BMP6: variants seen among roughly 807,000 people sequenced by gnomAD.
The protein encoded by BMP6 is VG-1-R.
Under a neutral mutation model 54.1 loss-of-function variants are expected in BMP6, and 17 were observed. The ratio of observed to expected loss-of-function variants is 0.31; its 90% CI spans 0.22 to 0.47. BMP6 has a LOEUF of 0.47. Among genes scored for constraint, BMP6 ranks in the 20% least tolerant of loss-of-function variants. BMP6 has a pLI of 1.00. For synonymous variants in BMP6, 328 were observed against 291.2 expected (o/e 1.13, Z -1.28); for missense variants, 720 against 690.4 (o/e 1.04, Z -0.48).
chr6:7,758,817 C>T lies in BMP6; in HGVS notation c.664+31198C>T, dbSNP rs150200697. On this transcript the variant is annotated intron_variant, in intron 1 of 6. Coordinates refer to ENST00000283147, the MANE Select transcript of BMP6 (RefSeq NM_001718.6). Reference sequence around the variant, plus strand: ...CTCCACCCCCTTCCACATGCTCACACGCACATGAGGTGCAGCCACTGTCCC... The same window carrying T: ...CTCCACCCCCTTCCACATGCTCACATGCACATGAGGTGCAGCCACTGTCCC... 1.8e-3 allele frequency among the ~76,000 whole-genome samples: 279 copies of T among 152,344 alleles called. 2 individuals carry two copies. Among genetic ancestry groups the T allele is most frequent in the African/African-American group, 6.3e-3 (263 of 41,588 alleles).
intron 1 of BMP6, among the ~76,000 whole-genome samples, chr6:7,755,601 T>C (rs1757502537): frequency 6.6e-6 from 1 of 152,182 alleles, no homozygotes. Flanking sequence ...AAAAAGTCTC[T>C]TACGTATACC....
chr6:7,726,310 T>C lies in BMP6; in HGVS notation c.-646T>C, dbSNP rs145653316. On this transcript the variant is annotated 5_prime_UTR_variant, in exon 1 of 7. Transcript: ENST00000283147. Reference sequence around the variant, plus strand: ...AGGAGGCGTGCGGCGCGCGGAGATTTTGAGTGGGAGCGACGGTGCCCGAGA... The same window carrying C: ...AGGAGGCGTGCGGCGCGCGGAGATTCTGAGTGGGAGCGACGGTGCCCGAGA... Among the ~76,000 whole-genome samples the C allele has an allele frequency of 7.4e-4, 113 of 152,240 alleles. 2 individuals are homozygous for C. In the East Asian group the frequency reaches 0.019, roughly 26 times the overall value.
chr6:7,855,182 AC>A (rs1409705043), intron 2 of BMP6, among the ~76,000 whole-genome samples: 3 of 152,094 alleles, frequency 2.0e-5, no homozygotes, highest in East Asian at 1.9e-4. Context: ...ATAGCTTTCA[AC>A]TCTAAGTTCA....
chr6:7,860,848 C>A (rs748691308), intron 2 of BMP6, among the ~76,000 whole-genome samples: 7 of 152,044 alleles, frequency 4.6e-5, no homozygotes, highest in Non-Finnish European at 1.0e-4. Flanking sequence ...GTCCCAATTT[C>A]AAAACAAGAA....
At chr6:7,765,519 A>G (rs556165259) in intron 1 of BMP6, among the ~76,000 whole-genome samples, 1 of 152,360 alleles carries the variant, frequency 6.6e-6, no homozygotes, top group Non-Finnish European at 1.5e-5. Flanking sequence ...TATCAAAAAC[A>G]CACATTAACC....
chr6:7,759,221 T>C (rs1159713306), intron 1 of BMP6, among the ~76,000 whole-genome samples: 1 of 152,212 alleles, frequency 6.6e-6, no homozygotes, highest in Non-Finnish European at 1.5e-5. Context: ...TGCTTGATAC[T>C]AGTAATATCA....
intron 1 of BMP6, among the ~76,000 whole-genome samples, chr6:7,769,949 C>G (rs1275488510): frequency 6.6e-6 from 1 of 152,072 alleles, no homozygotes; most frequent in Non-Finnish European, 1.5e-5. Context: ...CATCAAAAAC[C>G]CTTAGTCATC....
chr6:7,788,876 T>G (rs1244615910), intron 1 of BMP6, among the ~76,000 whole-genome samples: 1 of 151,944 alleles, frequency 6.6e-6, no homozygotes, highest in East Asian at 1.9e-4. Flanking sequence ...TCTCTGTTTT[T>G]TTTTTTTTTT....
intron 1 of BMP6, among the ~76,000 whole-genome samples, chr6:7,782,991 A>G (rs1387660670): frequency 6.6e-6 from 1 of 152,206 alleles, no homozygotes; most frequent in African/African-American, 2.4e-5. Flanking sequence ...ATTGAGATCC[A>G]TTTGGTAGAG....
In BMP6 at chr6:7,727,232, C is replaced by G. The variant is rs774813618; in HGVS notation, c.277C>G (p.Pro93Ala). The change falls in exon 1 of 7, where the codon CCC (proline) becomes GCC (alanine). Residue 93 changes from proline (P) to alanine (A), a missense_variant. By Grantham distance (27) the Pro-to-Ala change is conservative. Coordinates refer to ENST00000283147, the MANE Select transcript of BMP6 (RefSeq NM_001718.6). ...ILSVLGLPHRPRPLHGLQQPQ... is the reference protein window; with the variant it reads ...ILSVLGLPHRARPLHGLQQPQ... ...GTCGGTGCTGGGGCTCCCGCACCGG[C>G]CCCGGCCCCTGCACGGCCTCCAACA... 3.2e-5 allele frequency: 52 copies of G among 1,606,012 alleles called. No individual in the cohort carries two copies. The East Asian group carries it at 1.1e-3, about 34-fold the overall frequency.
chr6:7,813,108 A>AAAAATATATAT (rs1554122651), intron 1 of BMP6, among the ~76,000 whole-genome samples: 9 of 21,496 alleles, frequency 4.2e-4, no homozygotes, highest in Non-Finnish European at 6.1e-4. Context: ...AAAAAAAAAA[A>AAAAATATATAT]ATATATATAT....
chr6:7,867,412 G>A (rs185935415), intron 4 of BMP6, among the ~76,000 whole-genome samples: 2 of 152,330 alleles, frequency 1.3e-5, no homozygotes, highest in Non-Finnish European at 2.9e-5. Context: ...TTATAACTGT[G>A]CAATCTTGTG....
intron 1 of BMP6, among the ~76,000 whole-genome samples, chr6:7,731,619 A>G (rs1761860485): frequency 1.3e-5 from 2 of 152,220 alleles, no homozygotes. Flanking sequence ...GAACATATAG[A>G]CATAGCCCAT....
At position 7,798,879 on chromosome 6, in the gene BMP6, A is replaced by G. The variant is rs146601863; in HGVS notation, c.665-46261A>G. Among the ~76,000 whole-genome samples, 113 of 152,324 alleles carry G rather than the reference A, an allele frequency of 7.4e-4. 1 individual carries two copies. Among genetic ancestry groups the G allele is most frequent in the African/African-American group, 2.5e-3 (102 of 41,562 alleles). ...GAGGTGACTTTATTTCACAGATTCC[A>G]TGGCCAGACGCCAGAGTGATACAGA... On this transcript the variant is annotated intron_variant, in intron 1 of 6. Coordinates refer to ENST00000283147, the MANE Select transcript of BMP6 (RefSeq NM_001718.6).
intron 1 of BMP6, among the ~76,000 whole-genome samples, chr6:7,823,345 C>T (rs879027415): frequency 6.6e-6 from 1 of 152,098 alleles, no homozygotes; most frequent in Non-Finnish European, 1.5e-5. Flanking sequence ...ACAGATGAGT[C>T]GTTATTACCT....
intron 1 of BMP6, among the ~76,000 whole-genome samples, chr6:7,769,887 C>G (rs1270401978): frequency 1.3e-5 from 2 of 152,150 alleles, no homozygotes; most frequent in Non-Finnish European, 2.9e-5. Flanking sequence ...AACAGGCATC[C>G]TTGAAAACAG....
intron 4 of BMP6, among the ~76,000 whole-genome samples, chr6:7,873,629 G>C (rs564340544): frequency 6.6e-6 from 1 of 152,120 alleles, no homozygotes; most frequent in South Asian, 2.1e-4. Flanking sequence ...CCTGTGCTTG[G>C]CTTTTTTGGT....
At chr6:7,873,328 C>G (rs1281664918) in intron 4 of BMP6, among the ~76,000 whole-genome samples, 1 of 152,170 alleles carries the variant, frequency 6.6e-6, no homozygotes, top group South Asian at 2.1e-4. Flanking sequence ...GCTATACTTA[C>G]AATCATAGGT....
chr6:7,828,431 T>C (rs1194460468), intron 1 of BMP6, among the ~76,000 whole-genome samples: 2 of 152,206 alleles, frequency 1.3e-5, no homozygotes, highest in African/African-American at 4.8e-5. Context: ...TCCATTCTCT[T>C]GTTTAGAACC....
Sources: gnomAD v4.1 joint callset for allele counts (sites outside exome capture counted in the v4.1 genomes callset) on GRCh38, gnomAD v4.1.1 for gene constraint, MANE v1.5 for transcripts, NCBI Gene and HGNC (gene_info 2026-07-23, HGNC 2026-07-21) for gene names.